Variants in UMODL1 observed in about 807,000 individuals in gnomAD.
UMODL1 encodes the protein uromodulin-like 1.
In UMODL1, 128 loss-of-function variants were observed where a neutral mutation model predicts 136.3. The ratio of observed to expected loss-of-function variants is 0.94; its 90% confidence interval spans 0.81 to 1.09. The LOEUF (loss-of-function observed/expected upper bound fraction) is 1.09, where lower values mean the gene tolerates loss of function less well. Among genes scored for constraint, UMODL1 ranks in the 50% least tolerant of loss-of-function variants. The pLI is 0.00. For synonymous variants in UMODL1, 721 were observed against 720.0 expected (o/e 1.00, Z -0.02); for missense variants, 1,766 against 1,725.6 (o/e 1.02, Z -0.41).
At chr21:42,106,878 C>G (rs2066728388) in intron 9 of UMODL1, among the ~76,000 whole-genome samples, 1 of 152,202 alleles carries the variant, frequency 6.6e-6, no homozygotes, top group African/African-American at 2.4e-5. Context: ...ATCCCACCTC[C>G]TATGGCGATG....
chr21:42,067,221 C>T (rs112411669), upstream of UMODL1, among the ~76,000 whole-genome samples: 4 of 152,208 alleles, frequency 2.6e-5, no homozygotes, highest in South Asian at 2.1e-4. Context: ...ATCCACCCCC[C>T]ACCCCTCCCA....
chr21:42,096,430 A>G (rs2066558407), intron 6 of UMODL1, among the ~76,000 whole-genome samples: 1 of 152,162 alleles, frequency 6.6e-6, no homozygotes, highest in South Asian at 2.1e-4. Flanking sequence ...TTAAAGAGTA[A>G]ATATACTTAT....
intron 1 of UMODL1, 36 bp from the exon 2 acceptor site, chr21:42,075,969 G>C: frequency 6.2e-7 from 1 of 1,609,620 alleles, no homozygotes; most frequent in Middle Eastern, 1.7e-4. Context: ...TCTGATCCTG[G>C]TGTTCTCAGT....
At position 42,119,239 on chromosome 21, in the gene UMODL1, T is replaced by A; in HGVS notation, c.2604T>A (p.Asp868Glu). 6.2e-7 allele frequency: 1 copy of A among 1,614,252 alleles called. No individual in the cohort carries two copies. Among genetic ancestry groups the A allele is most frequent in the Non-Finnish European group, 8.5e-7 (1 of 1,180,034 alleles). Residue 868 changes from aspartate to glutamate, a missense_variant, in exon 15 of 23, where the codon GAT (aspartate) becomes GAA (glutamate). By Grantham distance (45) the Asp-to-Glu change is conservative. Transcript: ENST00000408910. ...ACTTGCTGATAATCGCAGATGTGGATGTCCAGGAGGTGTCAGCTGCATTTC... is the reference window on the plus strand; with the variant it reads ...ACTTGCTGATAATCGCAGATGTGGAAGTCCAGGAGGTGTCAGCTGCATTTC... Reference protein sequence around the residue: ...EFHLLIIADVDVQEVSAAFLT... With the variant: ...EFHLLIIADVEVQEVSAAFLT...
At chr21:42,088,854 T>C (rs1175846912) in intron 5 of UMODL1, among the ~76,000 whole-genome samples, 3 of 152,120 alleles carry the variant, frequency 2.0e-5, no homozygotes, top group Admixed American at 6.5e-5. Flanking sequence ...AACTTGTTTC[T>C]TCATTTCTTT....
chr21:42,111,238 C>T (rs1178337197), intron 11 of UMODL1, 117 bp downstream of exon 11: 62 of 1,526,392 alleles, frequency 4.1e-5, no homozygotes, highest in Non-Finnish European at 5.0e-5. Flanking sequence ...GCCAGGCGAG[C>T]CCCAGCCAGA....
In UMODL1 at chr21:42,099,610, C is replaced by T. The variant is rs183172682; in HGVS notation, c.1186+430C>T. On this transcript the variant is annotated intron_variant, in intron 7 of 22. Transcript: ENST00000408910. This position sits in a 1 kb window ranked among gnomAD's most constrained non-coding sequence, Gnocchi z 4.1. ...CTCCCCGAGAGGGGAGCATCGCTGA[C>T]GTTTTCACGCCTTGCTTCACTCATG... is the stretch of plus-strand genomic sequence containing the variant. Among the ~76,000 whole-genome samples the T allele has an allele frequency of 6.6e-5, 10 of 152,338 alleles. No individual in the cohort carries two copies. Among genetic ancestry groups the T allele is most frequent in the Admixed American group, 2.6e-4 (4 of 15,306 alleles).
rs141938086 is a variant in UMODL1 at position 42,076,434 on chromosome 21, C to T, written c.319+187C>T. On this transcript the variant is annotated intron_variant, in intron 2 of 22. Transcript: ENST00000408910. ...GGCCCCACTCCTAGGTTTCTGAGTC[C>T]GTGGGTGGGGGTGAAGTACAAGAAT... Among the ~76,000 whole-genome samples the T allele has an allele frequency of 7.9e-5, 12 of 152,294 alleles. No homozygotes were observed. The East Asian group carries it at 1.7e-3, about 22-fold the overall frequency.
In UMODL1 at chr21:42,127,014, C is replaced by G; in HGVS notation, c.3302C>G (p.Thr1101Ser). 1.2e-6 allele frequency: 2 copies of G among 1,614,074 alleles called. No homozygotes were observed. Among genetic ancestry groups the G allele is most frequent in the Non-Finnish European group, 1.7e-6 (2 of 1,179,934 alleles). ...GCTGCTTCCTCTTGCAGGGTTTACA[C>G]CATCATCGAGGACCTCCACGGCGCT... ...SGFTLEWGVY[T>S]IIEDLHGAGN... The change falls in exon 19 of 23, where the codon ACC (threonine) becomes AGC (serine). Residue 1101 changes from threonine (T) to serine (S), a missense_variant. Physicochemically the swap from Thr to Ser is moderately conservative, Grantham distance 58 (BLOSUM62 1). Transcript: ENST00000408910.
At chr21:42,098,857 T>TA in intron 6 of UMODL1, 69 bp from the exon 7 acceptor site, 1 of 1,579,420 alleles carries the variant, frequency 6.3e-7, no homozygotes, top group Admixed American at 1.7e-5. Flanking sequence ...GAGGCTCTGT[T>TA]ACCTGCTTCA....
At chr21:42,091,991 G>C (rs2066497262) in intron 6 of UMODL1, among the ~76,000 whole-genome samples, 1 of 152,232 alleles carries the variant, frequency 6.6e-6, no homozygotes, top group African/African-American at 2.4e-5. Flanking sequence ...CAGCTGGAAG[G>C]GCGTGCGCAG....
Position 42,127,006 on chromosome 21 carries a change from G to A in UMODL1, c.3294G>A (p.Gly1098=), listed in dbSNP as rs2067065034. The A allele has an allele frequency of 6.2e-7, 1 of 1,613,854 alleles. No individual in the cohort carries two copies. Among genetic ancestry groups the A allele is most frequent in the Non-Finnish European group, 8.5e-7 (1 of 1,179,776 alleles). ...TCCTGCAAGCTGCTTCCTCTTGCAG[G>A]GTTTACACCATCATCGAGGACCTCC... ...LTSSGFTLEW[G]VYTIIEDLHG... The change falls in exon 19 of 23, where the codon GGG becomes GGA. Residue 1098 remains glycine, a splice_region_variant and synonymous_variant. Transcript: ENST00000408910.
At chr21:42,102,120 G>A in intron 7 of UMODL1, 46 bp from the exon 8 acceptor site, 1 of 1,431,054 alleles carries the variant, frequency 7.0e-7, no homozygotes, top group South Asian at 1.2e-5. Context: ...ACAGACAAGT[G>A]TGTGACTTTT....
intron 8 of UMODL1, 95 bp from the exon 9 acceptor site, chr21:42,103,773 A>G: frequency 2.1e-6 from 3 of 1,434,304 alleles, no homozygotes; most frequent in South Asian, 2.3e-5. Flanking sequence ...GAGGAGAGAA[A>G]TGGCTCCAAG....
At position 42,142,929 on chromosome 21, in the gene UMODL1, T is replaced by C. The variant is rs2067302172; in HGVS notation, c.*855T>C. 1 of 152,228 alleles carries C rather than the reference T, an allele frequency of 6.6e-6. No homozygotes were observed. The highest frequency in any genetic ancestry group is 2.4e-5 in the African/African-American group (1 of 41,454). The allele number at this position is 152,228 out of a possible 1,614,324, so 9.4% of individuals were successfully genotyped here. A position where few individuals can be genotyped will look rare whatever the true frequency, so the allele number is the denominator to read the frequency against. ...TATTTTAGTCTAGAATTTTCTCCAT[T>C]ACATCATCCTAAGAGATAATGCTCT... On this transcript the variant is annotated 3_prime_UTR_variant, in exon 23 of 23. Transcript: ENST00000408910.
Position 42,095,089 on chromosome 21 carries a change from GT to G in UMODL1, c.932-3814del, listed in dbSNP as rs58764222. 5.2e-3 allele frequency among the ~76,000 whole-genome samples: 321 copies of G among 61,200 alleles called. 5 individuals carry two copies. The highest frequency in any genetic ancestry group is 0.017 in the African/African-American group (277 of 15,894). The allele number at this position is 61,200 out of a possible 152,430, so 40.1% of individuals were successfully genotyped here. On this transcript the variant is annotated intron_variant, in intron 6 of 22. Coordinates refer to ENST00000408910, the MANE Select transcript of UMODL1 (RefSeq NM_001004416.3). ...CATCACTCCTTTGTTTTCTTCTGCT[GT>G]TTTTTTTTTTTTTTTTTTTTTTGAG...
intron 15 of UMODL1, among the ~76,000 whole-genome samples, 160 bp downstream of exon 15, chr21:42,119,484 T>A (rs78573184): frequency 0.015 from 2,293 of 152,308 alleles, 37 homozygotes; most frequent in African/African-American, 0.035. Context: ...ACCCTGTCTG[T>A]CCCTCTTATT....
intron 5 of UMODL1, among the ~76,000 whole-genome samples, chr21:42,088,807 G>A (rs2066458049): frequency 6.6e-6 from 1 of 151,468 alleles, no homozygotes; most frequent in Non-Finnish European, 1.5e-5. Flanking sequence ...CCATCCTAGT[G>A]GACACTGGAG....
intron 9 of UMODL1, among the ~76,000 whole-genome samples, chr21:42,107,122 G>C (rs1275001415): frequency 6.6e-6 from 1 of 152,116 alleles, no homozygotes; most frequent in Non-Finnish European, 1.5e-5. Flanking sequence ...TCAATCTCTT[G>C]CTCCTAACAG....
Sources: gnomAD v4.1 joint callset for allele counts (sites outside exome capture counted in the v4.1 genomes callset) on GRCh38, gnomAD v4.1.1 for gene constraint, Gnocchi (gnomAD v3.1) non-coding constraint, MANE v1.5 for transcripts, NCBI Gene and HGNC (gene_info 2026-07-23, HGNC 2026-07-21) for gene names.